Variants in PLCB4 observed in about 807,000 individuals in gnomAD.
PLCB4 encodes 1-phosphatidylinositol 4,5-bisphosphate phosphodiesterase beta-4.
In PLCB4, 77 loss-of-function variants were observed where a neutral mutation model predicts 178.8. The ratio of observed to expected loss-of-function variants is 0.43; its 90% CI spans 0.36 to 0.52. PLCB4 has a LOEUF of 0.52. Among genes scored for constraint, PLCB4 ranks in the 20% least tolerant of loss-of-function variants. The probability of loss-of-function intolerance (pLI) is 0.00; values close to 1 mark genes in which losing one functional copy is unlikely to be tolerated. For missense variants in PLCB4, 1,024 were observed against 1,453.4 expected (o/e 0.70, Z 4.80); for synonymous variants, 496 against 490.8 (o/e 1.01, Z -0.14).
chr20:9,097,708 C>A (rs2090971845), intron 2 of PLCB4, among the ~76,000 whole-genome samples: 1 of 152,122 alleles, frequency 6.6e-6, no homozygotes, highest in Non-Finnish European at 1.5e-5. Flanking sequence ...CCAGCTAGCT[C>A]CCAGCCATCT....
chr20:9,205,148 T>C (rs1358930774), intron 2 of PLCB4, among the ~76,000 whole-genome samples: 3 of 152,214 alleles, frequency 2.0e-5, no homozygotes, highest in African/African-American at 7.2e-5. Flanking sequence ...TCTCTTGCAA[T>C]GCTGGGCAGT....
At chr20:9,140,675 A>G (rs1027364207) in intron 2 of PLCB4, among the ~76,000 whole-genome samples, 2 of 151,712 alleles carry the variant, frequency 1.3e-5, no homozygotes, top group Non-Finnish European at 2.9e-5. Flanking sequence ...AGAGCCTGGC[A>G]TCTCTCTTGC....
intron 1 of PLCB4, among the ~76,000 whole-genome samples, chr20:9,092,166 T>A (rs2090712863): frequency 6.6e-6 from 1 of 152,200 alleles, no homozygotes; most frequent in South Asian, 2.1e-4. Flanking sequence ...AAATATTTAC[T>A]TTTCTTTGTG....
chr20:9,143,140 C>T (rs1357911369), intron 2 of PLCB4, among the ~76,000 whole-genome samples: 2 of 152,080 alleles, frequency 1.3e-5, no homozygotes, highest in African/African-American at 4.8e-5. Flanking sequence ...TGACTTGTAC[C>T]TGTCCCTTTC....
At chr20:9,367,307 A>G (rs1190007617) in intron 9 of PLCB4, among the ~76,000 whole-genome samples, 2 of 152,164 alleles carry the variant, frequency 1.3e-5, no homozygotes, top group Middle Eastern at 3.2e-3. Context: ...TTGTTGAGTC[A>G]TGGACCTCAT....
chr20:9,466,957 C>T (rs559477769), intron 35 of PLCB4, among the ~76,000 whole-genome samples: 1 of 152,264 alleles, frequency 6.6e-6, no homozygotes, highest in African/African-American at 2.4e-5. Context: ...ATAAACCATG[C>T]TACTATAAAG....
intron 3 of PLCB4, among the ~76,000 whole-genome samples, chr20:9,259,823 A>G (rs1191738891): frequency 3.9e-5 from 6 of 152,124 alleles, no homozygotes; most frequent in African/African-American, 1.4e-4. Context: ...AGAATGTAGA[A>G]TACTTCAATA....
chr20:9,253,536 G>A (rs566909001), intron 3 of PLCB4, among the ~76,000 whole-genome samples: 4 of 152,002 alleles, frequency 2.6e-5, no homozygotes, highest in South Asian at 2.1e-4. Flanking sequence ...CCCTGTTCCC[G>A]TCTCTTTTTC....
intron 2 of PLCB4, among the ~76,000 whole-genome samples, chr20:9,168,253 A>C (rs79519466): frequency 6.6e-6 from 1 of 152,184 alleles, no homozygotes; most frequent in African/African-American, 2.4e-5. Context: ...GCTTTGGGGT[A>C]AGTTATCTTA....
At chr20:9,436,545 G>A (rs2041783622) in intron 29 of PLCB4, among the ~76,000 whole-genome samples, 1 of 152,024 alleles carries the variant, frequency 6.6e-6, no homozygotes, top group African/African-American at 2.4e-5. Context: ...GTCAAGACAG[G>A]GTCTCACTCT....
intron 3 of PLCB4, among the ~76,000 whole-genome samples, chr20:9,239,680 AGAGTATT>A (rs1188371080): frequency 1.3e-5 from 2 of 152,314 alleles, no homozygotes; most frequent in South Asian, 2.1e-4. Flanking sequence ...AGTTTATTAA[AGAGTATT>A]GACTCACACA....
intron 7 of PLCB4, among the ~76,000 whole-genome samples, chr20:9,359,489 T>TA (rs946594689): frequency 3.9e-5 from 6 of 152,108 alleles, no homozygotes; most frequent in African/African-American, 1.4e-4. Flanking sequence ...TAGAAAAGGT[T>TA]AAAAAAATGG....
chr20:9,103,414 A>G (rs894766208), intron 2 of PLCB4, among the ~76,000 whole-genome samples: 5 of 152,190 alleles, frequency 3.3e-5, no homozygotes, highest in African/African-American at 4.8e-5. Flanking sequence ...TCCAAACAAT[A>G]TATGTTTGGT....
intron 12 of PLCB4, among the ~76,000 whole-genome samples, chr20:9,375,797 G>A (rs2036620412): frequency 6.6e-6 from 1 of 152,106 alleles, no homozygotes; most frequent in Non-Finnish European, 1.5e-5. Context: ...TAATTAGAGA[G>A]TTCAGCAAGG....
chr20:9,114,151 T>A (rs932462034), intron 2 of PLCB4, among the ~76,000 whole-genome samples: 2 of 151,712 alleles, frequency 1.3e-5, no homozygotes, highest in Admixed American at 6.6e-5. Context: ...GAGGCAGAGG[T>A]TGTAGTGAGC....
At chr20:9,401,685 T>C in intron 20 of PLCB4, 95 bp downstream of exon 20, 2 of 778,506 alleles carry the variant, frequency 2.6e-6, no homozygotes, top group Admixed American at 2.2e-5. Flanking sequence ...TAAAGTAACC[T>C]ATAATTCCCC....
intron 2 of PLCB4, among the ~76,000 whole-genome samples, chr20:9,197,458 A>G (rs769488099): frequency 2.4e-4 from 37 of 152,256 alleles, no homozygotes; most frequent in Non-Finnish European, 4.0e-4. Context: ...TGTGTAATAT[A>G]TGGAATACAT....
chr20:9,315,032 C>T lies in PLCB4; in HGVS notation c.84+7134C>T, dbSNP rs550277491. ...GATTACAAGCATGTGCCACCATGCC[C>T]GGCTAACTTTTGTATTTTTAGTAGA... On this transcript the variant is annotated intron_variant, in intron 4 of 39. Coordinates refer to ENST00000378473, the MANE Select transcript of PLCB4 (RefSeq NM_001377142.1). Among the ~76,000 whole-genome samples, 146 of 152,118 alleles carry T rather than the reference C, an allele frequency of 9.6e-4. 1 individual carries two copies. The highest frequency in any genetic ancestry group is 3.2e-3 in the African/African-American group (131 of 41,508).
chr20:9,158,314 G>A (rs2092824264), intron 2 of PLCB4, among the ~76,000 whole-genome samples: 1 of 151,320 alleles, frequency 6.6e-6, no homozygotes, highest in Admixed American at 6.6e-5. Flanking sequence ...TGCCCAAGCT[G>A]TAGTGTGGTG....
Sources: allele counts gnomAD v4.1 joint callset (sites outside exome capture counted in the v4.1 genomes callset), GRCh38; gene constraint gnomAD v4.1.1; transcripts MANE v1.5; gene names NCBI Gene and HGNC (gene_info 2026-07-23, HGNC 2026-07-21).